SHH: variants seen among roughly 807,000 people sequenced by gnomAD.
The protein encoded by SHH is sonic hedgehog protein.
SHH carries 3 observed loss-of-function variants against 16.6 expected under a neutral mutation model. That is an observed-to-expected ratio of 0.18 (90% CI 0.08 to 0.47). The LOEUF is 0.47. Among genes scored for constraint, SHH ranks in the 20% least tolerant of loss-of-function variants. SHH has a pLI of 0.98. For synonymous variants in SHH, 351 were observed against 316.2 expected (o/e 1.11, Z -1.17); for missense variants, 499 against 665.0 (o/e 0.75, Z 2.75).
chr7:155,804,652 G>A (rs1428193410), intron 2 of SHH, among the ~76,000 whole-genome samples: 1 of 152,110 alleles, frequency 6.6e-6, no homozygotes. Context: ...TTAAATGGCG[G>A]GGCCTGTTCG....
chr7:155,806,662 G>C (rs867980612), intron 1 of SHH, 105 bp from the exon 2 acceptor site: 3 of 1,430,160 alleles, frequency 2.1e-6, no homozygotes, highest in Middle Eastern at 4.0e-4. Context: ...AAGGCGCGAG[G>C]GCCATGCGGA....
At position 155,800,665 on chromosome 7, in the gene SHH, C is replaced by T. The variant is rs1253332495; in HGVS notation, c.*2235G>A. 24 of 469,960 alleles carry T rather than the reference C, an allele frequency of 5.1e-5. No homozygotes were observed. The highest frequency in any genetic ancestry group is 3.3e-4 in the South Asian group (21 of 64,572). The allele number at this position is 469,960 out of a possible 1,614,324, so 29.1% of individuals were successfully genotyped here. ...AAACACCAGCCTGGAACCTGCTGAC[C>T]ACCTAGAACACCAAAGAAAAGTCTT... On this transcript the variant is annotated 3_prime_UTR_variant, in exon 3 of 3. Coordinates refer to ENST00000297261, the MANE Select transcript of SHH (RefSeq NM_000193.4).
chr7:155,811,116 A>G (rs989811020), intron 1 of SHH, among the ~76,000 whole-genome samples: 2 of 152,270 alleles, frequency 1.3e-5, no homozygotes, highest in Non-Finnish European at 2.9e-5. Flanking sequence ...GAAGAACGAA[A>G]GAGCATCCTT....
rs1490878231 is a variant in SHH at position 155,803,677 on chromosome 7, C to T, written c.612G>A (p.Thr204=). 4 of 1,597,638 alleles carry T rather than the reference C, an allele frequency of 2.5e-6. No homozygotes were observed. Among genetic ancestry groups the T allele is most frequent in the Middle Eastern group, 1.7e-4 (1 of 5,832 alleles). ...TGGTGCCGCCCTGCTCCAGGTGCAC[C>T]GTGGCCGAGCCCGGGAAGCAGCCTC... ...KSGGCFPGSA[T]VHLEQGGTKL... The change falls in exon 3 of 3, where the codon ACG becomes ACA. Residue 204 remains threonine (T), a synonymous_variant. Coordinates refer to ENST00000297261, the MANE Select transcript of SHH (RefSeq NM_000193.4).
At chr7:155,810,554 G>A (rs775831300) in intron 1 of SHH, among the ~76,000 whole-genome samples, 3 of 152,270 alleles carry the variant, frequency 2.0e-5, no homozygotes, top group Non-Finnish European at 4.4e-5. Context: ...CCAGATTTAA[G>A]GTGGTCGGGA....
chr7:155,802,765 T>C lies in SHH; in HGVS notation c.*135A>G. 3 of 500,874 alleles carry C rather than the reference T, an allele frequency of 6.0e-6. No individual in the cohort carries two copies. The highest frequency in any genetic ancestry group is 3.5e-5 in the East Asian group (1 of 28,512). 31.0% of individuals were successfully genotyped at this position (500,874 alleles called of 1,614,324 possible). A position where few individuals can be genotyped will look rare whatever the true frequency, so the allele number is the denominator to read the frequency against. On this transcript the variant is annotated 3_prime_UTR_variant, in exon 3 of 3. Coordinates refer to ENST00000297261, the MANE Select transcript of SHH (RefSeq NM_000193.4). ...TGTTTCCTTAGAGTCTACTTTGGACTGTCCTACTTTATTATTCTTATTCTT... is the reference window on the plus strand; with the variant it reads ...TGTTTCCTTAGAGTCTACTTTGGACCGTCCTACTTTATTATTCTTATTCTT...
At chr7:155,805,563 C>T (rs1803334585) in intron 2 of SHH, among the ~76,000 whole-genome samples, 1 of 152,354 alleles carries the variant, frequency 6.6e-6, no homozygotes, top group South Asian at 2.1e-4. Flanking sequence ...CAGCCTCGGG[C>T]CGGAGGTTTG....
At position 155,809,259 on chromosome 7, in the gene SHH, G is replaced by A. The variant is rs1343197167; in HGVS notation, c.300+2564C>T. ...CACTGGGGACGATCTCGCCATGGTT[G>A]AGGGACTTGGGCGGCAGTCACATTA... is the stretch of plus-strand genomic sequence containing the variant. On this transcript the variant is annotated intron_variant, in intron 1 of 2. Coordinates refer to ENST00000297261, the MANE Select transcript of SHH (RefSeq NM_000193.4). The surrounding 1 kb of genome is among the most constrained non-coding windows in gnomAD (Gnocchi z 6.1). Among the ~76,000 whole-genome samples the A allele has an allele frequency of 6.6e-6, 1 of 152,218 alleles. No homozygotes were observed. The highest frequency in any genetic ancestry group is 1.5e-5 in the Non-Finnish European group (1 of 68,034).
chr7:155,803,494 C>A lies in SHH; in HGVS notation c.795G>T (p.Leu265=). The change falls in exon 3 of 3, where the codon CTG becomes CTT. Residue 265 remains leucine, a synonymous_variant. Coordinates refer to ENST00000297261, the MANE Select transcript of SHH (RefSeq NM_000193.4). ...CAAAGAGCAGGTGCGCGGCGGTGAGCAGCAGGCGCTCGCGCGGCTCCCGCG... is the reference window on the plus strand; with the variant it reads ...CAAAGAGCAGGTGCGCGGCGGTGAGAAGCAGGCGCTCGCGCGGCTCCCGCG... ...IETREPRERL[L]LTAAHLLFVA... is the part of the protein sequence containing the mutation. 1 of 1,571,938 alleles carries A rather than the reference C, an allele frequency of 6.4e-7. No homozygotes were observed. The highest frequency in any genetic ancestry group is 8.6e-7 in the Non-Finnish European group (1 of 1,163,656).
At position 155,806,688 on chromosome 7, in the gene SHH, G is replaced by A. The variant is rs9333618; in HGVS notation, c.301-131C>T. ...GCCATGCGGAGAGGTGGGGAGACGG[G>A]GGTTGGAATGGCCCAGACACACCGA... On this transcript the variant is annotated intron_variant, in intron 1 of 2. Coordinates refer to ENST00000297261, the MANE Select transcript of SHH (RefSeq NM_000193.4). 14,384 of 1,143,038 alleles carry A rather than the reference G, an allele frequency of 0.013. 140 individuals are homozygous for A. Among genetic ancestry groups the A allele is most frequent in the Admixed American group, 0.032 (1,754 of 54,416 alleles). 70.8% of individuals were successfully genotyped at this position (1,143,038 alleles called of 1,614,324 possible). A position where few individuals can be genotyped will look rare whatever the true frequency, so the allele number is the denominator to read the frequency against.
At chr7:155,811,672 A>C (rs1436605622) in intron 1 of SHH, 151 bp downstream of exon 1, 1 of 814,732 alleles carries the variant, frequency 1.2e-6, no homozygotes, top group Non-Finnish European at 2.2e-6. Flanking sequence ...GAAGAGGAAG[A>C]GATGGGGGGC....
In SHH at chr7:155,809,309, C is replaced by T. The variant is rs1303660011; in HGVS notation, c.300+2514G>A. ...AGAGACCCAGAGACAGGGAGGGAGACAGAAGAAGAGGGTCACGCACCTGGG... is the reference window on the plus strand; with the variant it reads ...AGAGACCCAGAGACAGGGAGGGAGATAGAAGAAGAGGGTCACGCACCTGGG... On this transcript the variant is annotated intron_variant, in intron 1 of 2. Coordinates refer to ENST00000297261, the MANE Select transcript of SHH (RefSeq NM_000193.4). This position sits in a 1 kb window ranked among gnomAD's most constrained non-coding sequence, Gnocchi z 6.1. Among the ~76,000 whole-genome samples, 1 of 152,150 alleles carries T rather than the reference C, an allele frequency of 6.6e-6. No homozygotes were observed. The highest frequency in any genetic ancestry group is 1.5e-5 in the Non-Finnish European group (1 of 68,032).
At position 155,803,304 on chromosome 7, in the gene SHH, G is replaced by T. The variant is rs1205186805; in HGVS notation, c.985C>A (p.Pro329Thr). ...AERDGDRRLL[P>T]AAVHSVTLSE... ...AGGGTCACGCTGTGCACAGCGGCGG[G>T]CAGGAGCCGGCGGTCCCCGTCACGC... Residue 329 changes from proline to threonine, a missense_variant, in exon 3 of 3, where the codon CCC (proline) becomes ACC (threonine). Around this residue, in one of 4 missense-constraint regions of SHH, gnomAD observed 299 missense variants for 301.1 expected, o/e 0.99. Coordinates refer to ENST00000297261, the MANE Select transcript of SHH (RefSeq NM_000193.4). 5 of 1,479,444 alleles carry T rather than the reference G, an allele frequency of 3.4e-6. No homozygotes were observed. The Admixed American group carries it at 9.5e-5, about 28-fold the overall frequency. 91.6% of individuals were successfully genotyped at this position (1,479,444 alleles called of 1,614,324 possible). A position where few individuals can be genotyped will look rare whatever the true frequency, so the allele number is the denominator to read the frequency against.
rs958895750 is a variant in SHH at position 155,801,301 on chromosome 7, G to C, written c.*1599C>G. ...AGATTTAAGGGGACCCTCAAGAAAA[G>C]AGGATAGGAGCTTCAGAGAAGATCA... On this transcript the variant is annotated 3_prime_UTR_variant, in exon 3 of 3. Coordinates refer to ENST00000297261, the MANE Select transcript of SHH (RefSeq NM_000193.4). 3.3e-5 allele frequency: 5 copies of C among 152,394 alleles called. No homozygotes were observed. The highest frequency in any genetic ancestry group is 1.2e-4 in the African/African-American group (5 of 41,460). 9.4% of individuals were successfully genotyped at this position (152,394 alleles called of 1,614,324 possible).
Position 155,812,165 on chromosome 7 carries a change from G to A in SHH, c.-43C>T. The A allele has an allele frequency of 1.2e-6, 2 of 1,604,440 alleles. No homozygotes were observed. The highest frequency in any genetic ancestry group is 1.3e-5 in the African/African-American group (1 of 74,876). The stretch of plus-strand genomic sequence containing the variant: ...TGACTTCCGAGCTGTCCCCGTGCGG[G>A]TCCGTGCGCGAGTGCGCGCGGCGGG... On this transcript the variant is annotated 5_prime_UTR_variant, in exon 1 of 3. Transcript: ENST00000297261.
intron 2 of SHH, among the ~76,000 whole-genome samples, chr7:155,804,360 G>GCCGAGGTGTGAAAAT (rs1803292028): frequency 6.6e-6 from 1 of 152,162 alleles, no homozygotes; most frequent in Admixed American, 6.5e-5. Context: ...CCAGAGATTG[G>GCCGAGGTGTGAAAAT]CCGAGGTGTG....
intron 2 of SHH, 93 bp from the exon 3 acceptor site, chr7:155,803,819 C>T (rs1399924569): frequency 7.7e-6 from 9 of 1,167,582 alleles, no homozygotes; most frequent in Non-Finnish European, 1.1e-5. Context: ...GCTTGGTGCC[C>T]GCGCTCCTAG....
chr7:155,809,463 C>T lies in SHH; in HGVS notation c.300+2360G>A, dbSNP rs911901822. Among the ~76,000 whole-genome samples the T allele has an allele frequency of 6.6e-6, 1 of 152,122 alleles. No homozygotes were observed. The highest frequency in any genetic ancestry group is 2.4e-5 in the African/African-American group (1 of 41,434). ...CTCAGCACCCGAGCCTCCGCCTTCC[C>T]CATCCCTTCCTCCCCCACCCTTAAC... On this transcript the variant is annotated intron_variant, in intron 1 of 2. Transcript: ENST00000297261. This position sits in a 1 kb window ranked among gnomAD's most constrained non-coding sequence, Gnocchi z 6.1.
Position 155,800,089 on chromosome 7 carries a change from A to T in SHH, c.*2811T>A. On this transcript the variant is annotated 3_prime_UTR_variant, in exon 3 of 3. Coordinates refer to ENST00000297261, the MANE Select transcript of SHH (RefSeq NM_000193.4). ...AGGAATAGATATGCATTTAGTCATGAGGGAGGCTGGCAGCAACCACCATGC... is the reference window on the plus strand; with the variant it reads ...AGGAATAGATATGCATTTAGTCATGTGGGAGGCTGGCAGCAACCACCATGC... The T allele has an allele frequency of 2.1e-6, 1 of 471,688 alleles. No homozygotes were observed. The highest frequency in any genetic ancestry group is 4.4e-6 in the Non-Finnish European group (1 of 227,188). The allele number at this position is 471,688 out of a possible 1,614,324, so 29.2% of individuals were successfully genotyped here. A position where few individuals can be genotyped will look rare whatever the true frequency, so the allele number is the denominator to read the frequency against.
Sources: allele counts gnomAD v4.1 joint callset (sites outside exome capture counted in the v4.1 genomes callset), GRCh38; gene constraint gnomAD v4.1.1; regional missense constraint gnomAD v4.1.1; non-coding constraint Gnocchi (gnomAD v3.1); transcripts MANE v1.5; gene names NCBI Gene and HGNC (gene_info 2026-07-23, HGNC 2026-07-21).